NLRP1: variants seen among roughly 807,000 people sequenced by gnomAD.
NLRP1 encodes the protein NACHT, LRR and PYD domains-containing protein 1.
Under a neutral mutation model 136.7 loss-of-function variants are expected in NLRP1, and 94 were observed. The observed-to-expected ratio is 0.69, with a 90% CI of 0.58 to 0.82. NLRP1 has a LOEUF of 0.82. Among genes scored for constraint, NLRP1 ranks in the 40% least tolerant of loss-of-function variants. The pLI, the probability that NLRP1 is intolerant of heterozygous loss-of-function variation, is 0.00. For missense variants in NLRP1, 1,575 were observed against 1,802.7 expected (o/e 0.87, Z 2.29); for synonymous variants, 690 against 725.1 (o/e 0.95, Z 0.78).
downstream of NLRP1, chr17:5,512,654 G>C (rs747176349): frequency 2.4e-4 from 83 of 343,324 alleles, no homozygotes; most frequent in Non-Finnish European, 3.8e-4. Context: ...CGGTCACACA[G>C]AGCCCTGAGC....
rs1914496494 is a variant in NLRP1, at chr17:5,559,571, G to A, written c.1125C>T (p.Ser375=). Residue 375 remains serine (S), a synonymous_variant, in exon 4 of 17, where the codon TCC becomes TCT. Transcript: ENST00000572272. ...TGAGCTCAGCGAGACTCACCACCTT[G>A]GACTGGGCCAGCTCTCTGCAGCTGA... ...FYFSCRELAQ[S]KVVSLAELIG... 1 of 1,614,196 alleles carries A rather than the reference G, an allele frequency of 6.2e-7. No individual in the cohort carries two copies. The highest frequency in any genetic ancestry group is 8.5e-7 in the Non-Finnish European group (1 of 1,180,032).
chr17:5,506,694 C>T (rs1053543862), intron 15 of NLRP1, among the ~76,000 whole-genome samples: 7 of 150,990 alleles, frequency 4.6e-5, no homozygotes, highest in Non-Finnish European at 1.5e-5. Flanking sequence ...GAGTTTGAGA[C>T]CAGCCTGGCC....
rs1905952764 is a variant in NLRP1 at position 5,583,605 on chromosome 17, C to T, written c.271+82G>A. ...AGAGGAAGGCCTGGCAGGGAGGGCTCAGTGGTGGGGTCCCAAGAGGGCAGG... is the reference window on the plus strand; with the variant it reads ...AGAGGAAGGCCTGGCAGGGAGGGCTTAGTGGTGGGGTCCCAAGAGGGCAGG... On this transcript the variant is annotated intron_variant, in intron 1 of 16. Transcript: ENST00000572272. This position sits in a 1 kb window ranked among gnomAD's most constrained non-coding sequence, Gnocchi z 4.5. The T allele has an allele frequency of 1.4e-6, 2 of 1,379,596 alleles. No homozygotes were observed. The highest frequency in any genetic ancestry group is 1.4e-5 in the African/African-American group (1 of 69,354). 85.5% of individuals were successfully genotyped at this position (1,379,596 alleles called of 1,614,324 possible). A position where few individuals can be genotyped will look rare whatever the true frequency, so the allele number is the denominator to read the frequency against.
In NLRP1 at chr17:5,539,475, A is replaced by G. The variant is rs201740824; in HGVS notation, c.2810T>C (p.Val937Ala). Residue 937 changes from valine (V) to alanine (A), a missense_variant, in exon 7 of 17, where the codon GTT becomes GCT. Physicochemically the swap from Val to Ala is moderately conservative, Grantham distance 64 (BLOSUM62 0). Coordinates refer to ENST00000572272, the MANE Select transcript of NLRP1 (RefSeq NM_033004.4). ...LDLQQNNLDD[V>A]GVRLLCEGLR... ...CCCCTCACAGAGCAGTCGCACGCCA[A>G]CGTCATCCAGGTTGTTCTGCTGCAG... The G allele has an allele frequency of 3.9e-5, 63 of 1,614,186 alleles. No homozygotes were observed. The highest frequency in any genetic ancestry group is 1.5e-4 in the African/African-American group (11 of 75,060).
intron 3 of NLRP1, among the ~76,000 whole-genome samples, chr17:5,578,259 T>C (rs1905221846): frequency 6.6e-6 from 1 of 152,192 alleles, no homozygotes; most frequent in African/African-American, 2.4e-5. Context: ...AATTGACATA[T>C]GAGATCTAAT....
At chr17:5,578,926 C>A (rs1320466695) in intron 3 of NLRP1, among the ~76,000 whole-genome samples, 2 of 152,156 alleles carry the variant, frequency 1.3e-5, no homozygotes, top group Non-Finnish European at 2.9e-5. Flanking sequence ...GAATACTATG[C>A]AGCCATAAAA....
At position 5,514,150 on chromosome 17, in the gene NLRP1, ATTTTTTCT is replaced by A. The variant is rs1396288041; in HGVS notation, c.*596_*603del. 1.3e-5 allele frequency: 2 copies of A among 152,734 alleles called. No individual in the cohort carries two copies. The highest frequency in any genetic ancestry group is 4.8e-5 in the African/African-American group (2 of 41,368). The allele number at this position is 152,734 out of a possible 1,614,324, so 9.5% of individuals were successfully genotyped here. On this transcript the variant is annotated 3_prime_UTR_variant, in exon 17 of 17. Transcript: ENST00000572272. ...GGTAACTTCTTATTCCTTTATTTTC[ATTTTTTCT>A]TTTTTGTATTTTTTTAATTCTTAAA...
chr17:5,569,863 T>A (rs1567668508), intron 3 of NLRP1, among the ~76,000 whole-genome samples: 2 of 151,994 alleles, frequency 1.3e-5, no homozygotes, highest in Non-Finnish European at 2.9e-5. Flanking sequence ...AACCACACAA[T>A]CTGCCATAAA....
intron 1 of NLRP1, 139 bp from the exon 2 acceptor site, chr17:5,582,985 T>C: frequency 1.5e-6 from 1 of 652,892 alleles, no homozygotes; most frequent in South Asian, 2.0e-5. Context: ...TACAACTTCC[T>C]CTAGAGGCTT....
chr17:5,560,711 G>T (rs1197066443), intron 3 of NLRP1, among the ~76,000 whole-genome samples: 1 of 152,198 alleles, frequency 6.6e-6, no homozygotes, highest in Non-Finnish European at 1.5e-5. Context: ...CAGCAGCATG[G>T]AGCCTCAGTT....
At chr17:5,526,844 G>A (rs1029431293) in intron 12 of NLRP1, among the ~76,000 whole-genome samples, 2 of 152,232 alleles carry the variant, frequency 1.3e-5, no homozygotes, top group African/African-American at 2.4e-5. Flanking sequence ...CCATTGCCAC[G>A]GTGATGAAGC....
At chr17:5,576,411 C>G (rs1905023182) in intron 3 of NLRP1, among the ~76,000 whole-genome samples, 1 of 152,056 alleles carries the variant, frequency 6.6e-6, no homozygotes, top group Non-Finnish European at 1.5e-5. Context: ...AGAGAAGAAT[C>G]AAATAGATGC....
At position 5,514,415 on chromosome 17, in the gene NLRP1, G is replaced by A; in HGVS notation, c.*339C>T. On this transcript the variant is annotated 3_prime_UTR_variant, in exon 17 of 17. Coordinates refer to ENST00000572272, the MANE Select transcript of NLRP1 (RefSeq NM_033004.4). Reference sequence around the variant, plus strand: ...CCCTGTGACACAGCCAGAGGCAAATGGTTCCATGTCCCTCCTATTCCTCTT... The same window carrying A: ...CCCTGTGACACAGCCAGAGGCAAATAGTTCCATGTCCCTCCTATTCCTCTT... 5 of 1,137,462 alleles carry A rather than the reference G, an allele frequency of 4.4e-6. No individual in the cohort carries two copies. Among genetic ancestry groups the A allele is most frequent in the East Asian group, 5.6e-5 (1 of 17,704 alleles). The allele number at this position is 1,137,462 out of a possible 1,614,324, so 70.5% of individuals were successfully genotyped here.
rs1241917019 is a variant in NLRP1, at chr17:5,581,935, G to A, written c.576C>T (p.Pro192=). The stretch of plus-strand genomic sequence containing the variant: ...CCTCCTGCTCTCTGGGTGCTAGGCT[G>A]GGCTGAGGTGGGGATCCCCAGCTCC... The part of the protein sequence containing the change: ...VLGSWGSPPQ[P]SLAPREQEAP... The change falls in exon 3 of 17, where the codon CCC becomes CCT. Residue 192 remains proline (P), a synonymous_variant. Transcript: ENST00000572272. 2 of 1,613,786 alleles carry A rather than the reference G, an allele frequency of 1.2e-6. No individual in the cohort carries two copies. Among genetic ancestry groups the A allele is most frequent in the Non-Finnish European group, 1.7e-6 (2 of 1,179,948 alleles).
chr17:5,540,799 G>A (rs1301427539), intron 6 of NLRP1, among the ~76,000 whole-genome samples: 1 of 152,160 alleles, frequency 6.6e-6, no homozygotes, highest in Non-Finnish European at 1.5e-5. Flanking sequence ...CAGGATTACT[G>A]AATGGGGAAG....
intron 12 of NLRP1, among the ~76,000 whole-genome samples, chr17:5,525,675 C>T (rs1205596188): frequency 6.6e-6 from 1 of 152,238 alleles, no homozygotes; most frequent in Non-Finnish European, 1.5e-5. Context: ...GACTGCCTGG[C>T]TTTGACTCCC....
chr17:5,527,320 C>A (rs1440679276), intron 12 of NLRP1, among the ~76,000 whole-genome samples: 1 of 152,206 alleles, frequency 6.6e-6, no homozygotes. Context: ...TGGGCTTCAT[C>A]GAAAGCCATC....
At position 5,584,192 on chromosome 17, in the gene NLRP1, C is replaced by T. The variant is rs1906032761; in HGVS notation, c.-235G>A. 3.6e-6 allele frequency: 2 copies of T among 552,838 alleles called. No individual in the cohort carries two copies. Among genetic ancestry groups the T allele is most frequent in the African/African-American group, 1.9e-5 (1 of 52,708 alleles). The allele number at this position is 552,838 out of a possible 1,614,324, so 34.2% of individuals were successfully genotyped here. ...GGGCCTGCAAGACACTGGAAGAAGT[C>T]AGCTGATAGGGAGGTCCTGGGATGG... is the stretch of plus-strand genomic sequence containing the variant. On this transcript the variant is annotated 5_prime_UTR_variant, in exon 1 of 17. Coordinates refer to ENST00000572272, the MANE Select transcript of NLRP1 (RefSeq NM_033004.4).
intron 3 of NLRP1, among the ~76,000 whole-genome samples, chr17:5,574,009 G>C (rs1252092347): frequency 1.3e-5 from 2 of 152,162 alleles, no homozygotes; most frequent in African/African-American, 4.8e-5. Context: ...AAACTTCTCC[G>C]AGCTAAAGGA....
Sources: allele counts gnomAD v4.1 joint callset (sites outside exome capture counted in the v4.1 genomes callset), GRCh38; gene constraint gnomAD v4.1.1; non-coding constraint Gnocchi (gnomAD v3.1); transcripts MANE v1.5; gene names NCBI Gene and HGNC (gene_info 2026-07-23, HGNC 2026-07-21).